NDUFAF6: variants seen among roughly 807,000 people sequenced by gnomAD.
NDUFAF6 encodes NADH dehydrogenase (ubiquinone) complex I, assembly factor 6.
Under a neutral mutation model 40.8 loss-of-function variants are expected in NDUFAF6, and 45 were observed. The observed-to-expected ratio is 1.10, with a 90% confidence interval of 0.87 to 1.42. The LOEUF (loss-of-function observed/expected upper bound fraction) is 1.42. Ranked by LOEUF, NDUFAF6 falls within the 40% of genes most tolerant of loss-of-function variation. NDUFAF6 has a pLI of 0.00. For synonymous variants in NDUFAF6, 185 were observed against 155.9 expected (o/e 1.19, Z -1.39); for missense variants, 435 against 418.5 (o/e 1.04, Z -0.34).
chr8:94,965,746 G>T (rs78802294), intron 1 of NDUFAF6, among the ~76,000 whole-genome samples: 1 of 152,234 alleles, frequency 6.6e-6, no homozygotes, highest in Non-Finnish European at 1.5e-5. Flanking sequence ...TAGGTAGTTC[G>T]TAAAGTCATT....
chr8:94,933,407 A>T, intron 1 of NDUFAF6, among the ~76,000 whole-genome samples: 2 of 152,336 alleles, frequency 1.3e-5, no homozygotes. Context: ...AAGAAGGAAG[A>T]AAGAAGAAGA....
chr8:94,940,087 G>A (rs774896614), intron 1 of NDUFAF6: 1 of 1,614,202 alleles, frequency 6.2e-7, no homozygotes, highest in Non-Finnish European at 8.5e-7. Context: ...GGAGAAAGCA[G>A]GAATCACTTG....
At chr8:95,002,510 C>T (rs1331774155) in intron 2 of NDUFAF6, among the ~76,000 whole-genome samples, 1 of 152,134 alleles carries the variant, frequency 6.6e-6, no homozygotes, top group Non-Finnish European at 1.5e-5. Flanking sequence ...TAGAAAGGCC[C>T]AAGAACACAA....
chr8:94,908,760 A>C (rs1463107098), intron 1 of NDUFAF6, among the ~76,000 whole-genome samples: 2 of 152,160 alleles, frequency 1.3e-5, no homozygotes, highest in Non-Finnish European at 2.9e-5. Flanking sequence ...TATGAGGTTT[A>C]TTTTGCCAGA....
chr8:94,960,938 G>A lies in NDUFAF6; in HGVS notation c.-199+2759G>A, dbSNP rs1823516120. ...CTACATAAACTGTGACAAGGCTATT[G>A]CAAGATTGCTCTATAATTATTACCC... On this transcript the variant is annotated intron_variant, in intron 1 of 9. Transcript: ENST00000396111. 2.0e-5 allele frequency among the ~76,000 whole-genome samples: 3 copies of A among 152,322 alleles called. 1 individual carries two copies. The South Asian group carries it at 6.2e-4, about 32-fold the overall frequency.
rs1272576092 is a variant in NDUFAF6 at position 94,984,293 on chromosome 8, T to TA, written c.-84+3327dup. 5.9e-5 allele frequency: 9 copies of TA among 152,242 alleles called. No individual in the cohort carries two copies. The East Asian group carries it at 9.7e-4, about 16-fold the overall frequency. 9.4% of individuals were successfully genotyped at this position (152,242 alleles called of 1,614,324 possible). A position where few individuals can be genotyped will look rare whatever the true frequency, so the allele number is the denominator to read the frequency against. On this transcript the variant is annotated intron_variant, in intron 2 of 9. Transcript: ENST00000396111. ...CTCATAGAGACCAGTGCTTAACAGT[T>TA]AAAAAAACAGGGAGTTAAAATCGTC...
rs763645152 is a variant in NDUFAF6, at chr8:95,047,109, C to T, written c.696C>T (p.Pro232=). 6.2e-7 allele frequency: 1 copy of T among 1,614,128 alleles called. No homozygotes were observed. Among genetic ancestry groups the T allele is most frequent in the Non-Finnish European group, 8.5e-7 (1 of 1,180,016 alleles). The change falls in exon 6 of 9, where the codon CCC becomes CCT. Residue 232 remains proline, a synonymous_variant. Coordinates refer to ENST00000396124, the MANE Select transcript of NDUFAF6 (RefSeq NM_152416.4). ...YHGSRRKVFL[P]MDICMLHGVS... ...GGAGCAGAAGAAAGGTGTTCCTTCC[C>T]ATGGATATTTGTATGCTGGTAAGGC...
chr8:95,071,355 A>G (rs916703893), intron 9 of NDUFAF6, among the ~76,000 whole-genome samples: 2 of 144,776 alleles, frequency 1.4e-5, no homozygotes, highest in African/African-American at 2.6e-5. Flanking sequence ...CCGAGATCTC[A>G]CCACTGCACT....
At chr8:95,063,250 GAGAT>G (rs1237461818), downstream of NDUFAF6, among the ~76,000 whole-genome samples, 2 of 152,174 alleles carry the variant, frequency 1.3e-5, no homozygotes, top group Non-Finnish European at 2.9e-5. Context: ...AATCAGATAT[GAGAT>G]AGAATGTTTT....
At chr8:95,060,599 A>G (rs1021477632), downstream of NDUFAF6, among the ~76,000 whole-genome samples, 1 of 152,198 alleles carries the variant, frequency 6.6e-6, no homozygotes, top group African/African-American at 2.4e-5. Context: ...TTTAACTCTC[A>G]TAGTGAAGTA....
rs1313132600 is a variant in NDUFAF6, at chr8:95,058,270, C to T, written c.*333C>T. On this transcript the variant is annotated 3_prime_UTR_variant, in exon 9 of 9. Coordinates refer to ENST00000396124, the MANE Select transcript of NDUFAF6 (RefSeq NM_152416.4). ...GGGCAGGGAGAAGGAATGTCATTCT[C>T]CCTTCACCACTGGGGAAGGAAAGGG... The T allele has an allele frequency of 7.7e-6, 10 of 1,297,118 alleles. No individual in the cohort carries two copies. Among genetic ancestry groups the T allele is most frequent in the South Asian group, 2.9e-5 (1 of 34,954 alleles). 80.4% of individuals were successfully genotyped at this position (1,297,118 alleles called of 1,614,324 possible). A position where few individuals can be genotyped will look rare whatever the true frequency, so the allele number is the denominator to read the frequency against.
chr8:95,082,809 G>A (rs937581494), intron 2 of NDUFAF6, among the ~76,000 whole-genome samples: 9 of 152,068 alleles, frequency 5.9e-5, no homozygotes, highest in East Asian at 1.9e-4. Context: ...ACAGGCGCCC[G>A]CCACTACGCC....
chr8:95,037,046 A>G (rs958757598), intron 3 of NDUFAF6, among the ~76,000 whole-genome samples: 3 of 152,266 alleles, frequency 2.0e-5, no homozygotes, highest in Non-Finnish European at 4.4e-5. Context: ...TGTGTTATCC[A>G]GAGAGCACTT....
intron 2 of NDUFAF6, among the ~76,000 whole-genome samples, chr8:95,017,232 C>G (rs544879026): frequency 6.6e-6 from 1 of 151,712 alleles, no homozygotes; most frequent in East Asian, 1.9e-4. Flanking sequence ...TGAGCCACCA[C>G]GCCCCGCCCA....
chr8:95,082,013 G>A (rs980890555), intron 2 of NDUFAF6, among the ~76,000 whole-genome samples: 1 of 152,088 alleles, frequency 6.6e-6, no homozygotes, highest in Non-Finnish European at 1.5e-5. Context: ...GCAGTGAGCC[G>A]AGATCGCGCC....
At chr8:94,960,876 CT>C (rs1340881660) in intron 1 of NDUFAF6, among the ~76,000 whole-genome samples, 1 of 152,194 alleles carries the variant, frequency 6.6e-6, no homozygotes, top group African/African-American at 2.4e-5. Context: ...GGTAGCTTTG[CT>C]TTTCCCAGGC....
intron 1 of NDUFAF6, among the ~76,000 whole-genome samples, chr8:94,973,522 CACAGT>C (rs1194296543): frequency 6.6e-6 from 1 of 152,064 alleles, no homozygotes; most frequent in Non-Finnish European, 1.5e-5. Context: ...TCCTAGCTAA[CACAGT>C]GAAACCCTGT....
At chr8:95,029,731 G>A (rs773601072) in intron 1 of NDUFAF6, among the ~76,000 whole-genome samples, 13 of 152,224 alleles carry the variant, frequency 8.5e-5, no homozygotes, top group Middle Eastern at 3.4e-3. Flanking sequence ...CCTTTGATTT[G>A]GGTTTTTAAT....
intron 9 of NDUFAF6, among the ~76,000 whole-genome samples, chr8:95,073,789 G>C (rs1346656388): frequency 1.8e-4 from 28 of 152,334 alleles, no homozygotes; most frequent in African/African-American, 6.0e-4. Context: ...TCTCTCCAGA[G>C]GGTAGGGGAG....
Sources: gnomAD v4.1 joint callset for allele counts (sites outside exome capture counted in the v4.1 genomes callset) on GRCh38, gnomAD v4.1.1 for gene constraint, MANE v1.5 for transcripts, NCBI Gene and HGNC (gene_info 2026-07-23, HGNC 2026-07-21) for gene names.